Variants in ESYT2 observed in about 807,000 individuals in gnomAD.
ESYT2 encodes the protein extended synaptotagmin-2.
A neutral mutation model predicts 107.2 loss-of-function variants in ESYT2; 54 were observed. That is an observed-to-expected ratio of 0.50 (90% CI 0.40 to 0.63). ESYT2 has a LOEUF of 0.63. Ranked by LOEUF, ESYT2 falls within the 30% of genes least tolerant of loss-of-function variation. The pLI is 0.00. For synonymous variants in ESYT2, 491 were observed against 434.1 expected, an observed-to-expected ratio of 1.13 and a Z score of -1.63; for missense variants, 1,020 against 1,094.5, an observed-to-expected ratio of 0.93 and a Z score of 0.96.
intron 6 of ESYT2, among the ~76,000 whole-genome samples, chr7:158,784,874 T>C (rs73729992): frequency 0.13 from 19,625 of 152,092 alleles, 1,909 homozygotes; most frequent in East Asian, 0.43. Context: ...GCTGGAAGAC[T>C]CCAAAAGTTG....
chr7:158,764,625 C>A, intron 9 of ESYT2, 52 bp downstream of exon 9: 1 of 1,572,318 alleles, frequency 6.4e-7, no homozygotes, highest in Non-Finnish European at 8.7e-7. Flanking sequence ...TTGGCCATCC[C>A]GCTCAGGGCT....
intron 7 of ESYT2, among the ~76,000 whole-genome samples, chr7:158,769,213 T>A (rs902546639): frequency 1.3e-5 from 2 of 152,172 alleles, no homozygotes; most frequent in South Asian, 4.2e-4. Flanking sequence ...ATTTTTTAAA[T>A]CCCCAAAAGA....
chr7:158,825,311 G>A (rs1840408086), intron 1 of ESYT2, among the ~76,000 whole-genome samples: 1 of 151,460 alleles, frequency 6.6e-6, no homozygotes, highest in South Asian at 2.1e-4. Flanking sequence ...ATAAATAAAT[G>A]AAATAATAAA....
In ESYT2 at chr7:158,737,107, C is replaced by A. The variant is rs757411199; in HGVS notation, c.2340G>T (p.Arg780=). 1.4e-5 allele frequency: 23 copies of A among 1,613,938 alleles called. 1 individual carries two copies. The highest frequency in any genetic ancestry group is 8.5e-7 in the Non-Finnish European group (1 of 1,179,954). ...ACACGTGTGTTTTCCTCCTTCCTGA[C>A]CGCCTCTTGTCTGGTAATAAATACA... is the stretch of plus-strand genomic sequence containing the variant. ...VRMYLLPDKR[R]SGRRKTHVSK... The change falls in exon 20 of 23, where the codon CGG becomes CGT. Residue 780 remains arginine, a synonymous_variant. Coordinates refer to ENST00000275418, the MANE Select transcript of ESYT2 (RefSeq NM_001367773.1).
chr7:158,760,188 GA>G (rs1563632638), intron 11 of ESYT2, 41 bp from the exon 12 acceptor site: 2 of 1,577,922 alleles, frequency 1.3e-6, no homozygotes, highest in Admixed American at 3.3e-5. Flanking sequence ...AAGTTCTTCT[GA>G]ATCAAAAATC....
intron 19 of ESYT2, among the ~76,000 whole-genome samples, chr7:158,738,344 G>GACACAC (rs199580275): frequency 9.9e-5 from 13 of 131,344 alleles, no homozygotes; most frequent in African/African-American, 2.4e-4. Context: ...CACACACACA[G>GACACAC]ACACACACAC....
intron 7 of ESYT2, among the ~76,000 whole-genome samples, chr7:158,771,841 G>A (rs370838622): frequency 7.2e-5 from 11 of 152,134 alleles, no homozygotes; most frequent in East Asian, 3.9e-4. Context: ...TTTACTGGCC[G>A]GGTGCGGTGT....
chr7:158,745,050 A>T (rs947180594), intron 16 of ESYT2, among the ~76,000 whole-genome samples: 1 of 152,256 alleles, frequency 6.6e-6, no homozygotes, highest in South Asian at 2.1e-4. Flanking sequence ...AATGTAAAAA[A>T]GTATCAGATT....
intron 13 of ESYT2, among the ~76,000 whole-genome samples, chr7:158,756,924 A>G (rs1179664255): frequency 1.3e-5 from 2 of 150,586 alleles, no homozygotes; most frequent in African/African-American, 2.4e-5. Context: ...TAAAAAAAAA[A>G]AAAAAAAAAA....
At chr7:158,749,547 A>G in intron 15 of ESYT2, 102 bp downstream of exon 15, 1 of 1,067,792 alleles carries the variant, frequency 9.4e-7, no homozygotes, top group Non-Finnish European at 1.4e-6. Context: ...ACGCTATCAC[A>G]CAACTGAATG....
chr7:158,757,764 T>G (rs35789103), intron 13 of ESYT2, among the ~76,000 whole-genome samples: 99,029 of 151,200 alleles, frequency 0.65, 34,658 homozygotes, highest in Non-Finnish European at 0.78. Context: ...GTTTTTTTTT[T>G]TTTGTTTTTT....
intron 13 of ESYT2, among the ~76,000 whole-genome samples, chr7:158,757,006 G>A (rs1837781469): frequency 6.7e-6 from 1 of 149,844 alleles, no homozygotes; most frequent in South Asian, 2.1e-4. Context: ...ACATTGAGAT[G>A]AACCACAAGA....
chr7:158,777,040 T>A (rs1485986077), intron 6 of ESYT2, among the ~76,000 whole-genome samples: 3 of 151,518 alleles, frequency 2.0e-5, no homozygotes, highest in African/African-American at 7.3e-5. Flanking sequence ...TTTTTTTTTT[T>A]TAAGTAGAGA....
At chr7:158,743,479 GCACCCGCCTCC>G in intron 17 of ESYT2, 39 bp downstream of exon 17, 1 of 1,564,700 alleles carries the variant, frequency 6.4e-7, no homozygotes, top group Non-Finnish European at 8.6e-7. Context: ...ATCCCTGCCA[GCACCCGCCTCC>G]CCATCCCCTA....
At chr7:158,789,875 T>C (rs1180957070) in intron 4 of ESYT2, among the ~76,000 whole-genome samples, 1 of 152,214 alleles carries the variant, frequency 6.6e-6, no homozygotes, top group Admixed American at 6.5e-5. Flanking sequence ...AGCAGGATAC[T>C]TGGCATATGT....
At chr7:158,749,210 G>A (rs376401157) in intron 15 of ESYT2, among the ~76,000 whole-genome samples, 87 of 151,810 alleles carry the variant, frequency 5.7e-4, no homozygotes, top group African/African-American at 2.0e-3. Flanking sequence ...GGGTTCAAGC[G>A]ATTCTCCTGC....
Position 158,740,005 on chromosome 7 carries a change from T to A in ESYT2, c.2169-884A>T, listed in dbSNP as rs377504189. ...ACCAGGTGTTTCTTTCTCCAGCAGC[T>A]AAACAAGCACTGGCCTCGAGAGCAG... On this transcript the variant is annotated intron_variant, in intron 18 of 22. Transcript: ENST00000275418. Among the ~76,000 whole-genome samples, 11 of 152,326 alleles carry A rather than the reference T, an allele frequency of 7.2e-5. No individual in the cohort carries two copies. In the East Asian group the frequency reaches 1.2e-3, roughly 16 times the overall value.
intron 6 of ESYT2, 77 bp from the exon 7 acceptor site, chr7:158,773,473 C>T: frequency 6.9e-7 from 1 of 1,446,856 alleles, no homozygotes; most frequent in Non-Finnish European, 9.6e-7. Flanking sequence ...AGGCTTGTTT[C>T]TTTGTAGACA....
In ESYT2 at chr7:158,759,536, G is replaced by C. The variant is rs1233044151; in HGVS notation, c.1369C>G (p.Leu457Val). The C allele has an allele frequency of 2.0e-5, 32 of 1,612,812 alleles. No homozygotes were observed. The highest frequency in any genetic ancestry group is 2.6e-5 in the Non-Finnish European group (31 of 1,178,878). ...TACAAGATCAGCAATGCAGAGGAAA[G>C]ACCATCGTTGGCTTGGTCTTTGTCA... ...KADKDQANDG[L>V]SSALLILYLD... Residue 457 changes from leucine to valine, a missense_variant, in exon 13 of 23, where the codon CTT becomes GTT. Leu to Val is a conservative substitution (Grantham distance 32, BLOSUM62 1). Transcript: ENST00000275418.
Sources: allele counts gnomAD v4.1 joint callset (sites outside exome capture counted in the v4.1 genomes callset), GRCh38; gene constraint gnomAD v4.1.1; transcripts MANE v1.5; gene names NCBI Gene and HGNC (gene_info 2026-07-23, HGNC 2026-07-21).